Variants in SNX8 observed in about 807,000 individuals in gnomAD.
SNX8 encodes the protein sorting nexin 8.
SNX8 carries 25 observed loss-of-function variants against 51.6 expected under a neutral mutation model. That is an observed-to-expected ratio of 0.48 (90% CI 0.35 to 0.68). The LOEUF is 0.68. SNX8 is among the 30% of genes least tolerant of loss of function. The pLI is 0.00. For synonymous variants in SNX8, 324 were observed against 277.0 expected (o/e 1.17, Z -1.68); for missense variants, 695 against 624.0 (o/e 1.11, Z -1.21).
chr7:2,304,281 AC>A (rs753495169), intron 1 of SNX8, among the ~76,000 whole-genome samples: 163 of 152,112 alleles, frequency 1.1e-3, no homozygotes, highest in Non-Finnish European at 2.0e-3. Flanking sequence ...ACGGCAGCTC[AC>A]GCCTGGAATC....
chr7:2,322,370 C>T (rs1778537830), intron 1 of SNX8, among the ~76,000 whole-genome samples: 2 of 151,994 alleles, frequency 1.3e-5, no homozygotes, highest in South Asian at 4.1e-4. Context: ...CGTATTCCAG[C>T]CTGGGCCACA....
intron 10 of SNX8, 35 bp from the exon 11 acceptor site, chr7:2,255,204 C>T (rs764669686): frequency 1.7e-5 from 23 of 1,316,236 alleles, no homozygotes; most frequent in East Asian, 2.6e-5. Context: ...GATCAGCAGG[C>T]GGGGCCGGGG....
intron 1 of SNX8, among the ~76,000 whole-genome samples, chr7:2,290,345 A>G (rs1327250886): frequency 6.6e-6 from 1 of 152,080 alleles, no homozygotes; most frequent in African/African-American, 2.4e-5. Flanking sequence ...TACTAAAAAT[A>G]CAAATAAAAT....
At chr7:2,344,329 A>G (rs1173682906) in intron 1 of SNX8, among the ~76,000 whole-genome samples, 2 of 151,884 alleles carry the variant, frequency 1.3e-5, no homozygotes, top group African/African-American at 2.4e-5. Context: ...TTTATTAAAA[A>G]AATTATAGAC....
chr7:2,263,799 C>G (rs1195057655), intron 6 of SNX8, among the ~76,000 whole-genome samples: 1 of 152,108 alleles, frequency 6.6e-6, no homozygotes, highest in Non-Finnish European at 1.5e-5. Context: ...CTGCAACCTC[C>G]GCCTCCTAGG....
At chr7:2,283,156 C>T (rs1029266500) in intron 1 of SNX8, among the ~76,000 whole-genome samples, 9 of 152,046 alleles carry the variant, frequency 5.9e-5, no homozygotes, top group Non-Finnish European at 1.0e-4. Context: ...CAGGATTTAC[C>T]GACAAACCCC....
At chr7:2,267,116 T>A (rs1228215431) in intron 5 of SNX8, among the ~76,000 whole-genome samples, 1 of 152,104 alleles carries the variant, frequency 6.6e-6, no homozygotes, top group African/African-American at 2.4e-5. Flanking sequence ...TGTTTCTCCA[T>A]CCGTAAAACA....
At chr7:2,316,863 A>C (rs1046226727), upstream of SNX8, among the ~76,000 whole-genome samples, 3 of 152,244 alleles carry the variant, frequency 2.0e-5, no homozygotes, top group Non-Finnish European at 4.4e-5. Flanking sequence ...GCTGGCTGCC[A>C]CCAGGAGGTC....
rs1307701957 is a variant in SNX8 at position 2,254,792 on chromosome 7, G to T, written c.*264C>A. The T allele has an allele frequency of 2.2e-5, 12 of 544,990 alleles. No homozygotes were observed. Among genetic ancestry groups the T allele is most frequent in the Non-Finnish European group, 4.0e-5 (12 of 303,536 alleles). The allele number at this position is 544,990 out of a possible 1,614,324, so 33.8% of individuals were successfully genotyped here. On this transcript the variant is annotated 3_prime_UTR_variant, in exon 11 of 11. Transcript: ENST00000222990. The stretch of plus-strand genomic sequence containing the variant: ...TCCCTGCCTCCCCGCACAGCTCTGG[G>T]TGTCAGGAGGAAACCATTCCAGAGA...
rs189586928 is a variant in SNX8 at position 2,303,822 on chromosome 7, G to T, written c.94+10506C>A. Among the ~76,000 whole-genome samples the T allele has an allele frequency of 6.5e-3, 982 of 152,056 alleles. 10 individuals are homozygous for T. The highest frequency in any genetic ancestry group is 0.02 in the South Asian group (98 of 4,808). On this transcript the variant is annotated intron_variant, in intron 1 of 10. Coordinates refer to ENST00000222990, the MANE Select transcript of SNX8 (RefSeq NM_013321.4). ...CCCAGGGACACAAACACTGTGGAAG[G>T]CCGCAGGGTCCTCTGCCTAGGAAAA...
chr7:2,346,430 A>G (rs1051110598), intron 1 of SNX8, among the ~76,000 whole-genome samples: 1 of 146,560 alleles, frequency 6.8e-6, no homozygotes, highest in Non-Finnish European at 1.5e-5. Context: ...TGGCTGAAAG[A>G]GCAAGACTCT....
At chr7:2,312,506 C>T (rs1796677516) in intron 1 of SNX8, among the ~76,000 whole-genome samples, 1 of 152,124 alleles carries the variant, frequency 6.6e-6, no homozygotes, top group African/African-American at 2.4e-5. Context: ...AGAACTATCA[C>T]GTGCCTCCCC....
At chr7:2,323,038 A>T (rs1283934607) in intron 1 of SNX8, among the ~76,000 whole-genome samples, 1 of 151,688 alleles carries the variant, frequency 6.6e-6, no homozygotes, top group East Asian at 1.9e-4. Flanking sequence ...ATAAATAAAT[A>T]AATGGTGTGG....
upstream of SNX8, among the ~76,000 whole-genome samples, chr7:2,319,142 C>T (rs764201118): frequency 9.3e-5 from 13 of 140,028 alleles, no homozygotes; most frequent in Non-Finnish European, 1.9e-4. Context: ...AGTTCAAGAC[C>T]AGCCTGGTCA....
intron 1 of SNX8, among the ~76,000 whole-genome samples, chr7:2,296,187 T>C (rs1293884473): frequency 6.6e-6 from 1 of 152,148 alleles, no homozygotes; most frequent in Non-Finnish European, 1.5e-5. Context: ...TTTCACAATA[T>C]TGATTCTCCC....
chr7:2,274,486 C>T (rs1795727712), intron 3 of SNX8, among the ~76,000 whole-genome samples: 1 of 152,212 alleles, frequency 6.6e-6, no homozygotes, highest in Admixed American at 6.5e-5. Context: ...AGCTGGCAGC[C>T]GCCATCCCAA....
At chr7:2,271,074 C>T (rs1795633491) in intron 4 of SNX8, among the ~76,000 whole-genome samples, 1 of 152,180 alleles carries the variant, frequency 6.6e-6, no homozygotes, top group Non-Finnish European at 1.5e-5. Context: ...GACAGGGTCT[C>T]ACTCTGTCGC....
intron 1 of SNX8, among the ~76,000 whole-genome samples, chr7:2,346,572 C>T (rs531562302): frequency 6.7e-4 from 102 of 151,462 alleles, no homozygotes; most frequent in African/African-American, 2.3e-3. Context: ...ACAGTGAAAC[C>T]CCGTCTCTAC....
At chr7:2,308,665 C>CAAA (rs756364188) in intron 1 of SNX8, among the ~76,000 whole-genome samples, 14 of 63,044 alleles carry the variant, frequency 2.2e-4, no homozygotes, top group Non-Finnish European at 2.7e-4. Context: ...GACTCTGTCT[C>CAAA]AAAAAAAAAA....
Sources: allele counts gnomAD v4.1 joint callset (sites outside exome capture counted in the v4.1 genomes callset), GRCh38; gene constraint gnomAD v4.1.1; transcripts MANE v1.5; gene names NCBI Gene and HGNC (gene_info 2026-07-23, HGNC 2026-07-21).